The following ZNF90 variants were observed in gnomAD, a reference collection of about 807,000 sequenced individuals.
The protein encoded by ZNF90 is zinc finger protein 90, also known as zinc finger protein HTF9.
ZNF90 carries 11 observed loss-of-function variants against 12.0 expected under a neutral mutation model. That is an observed-to-expected ratio of 0.92 (90% CI 0.58 to 1.52). ZNF90 has a LOEUF of 1.52. Among genes scored for constraint, ZNF90 ranks in the 40% most tolerant of loss-of-function variants. The pLI is 0.00. For missense variants in ZNF90, 765 were observed against 711.5 expected (o/e 1.08, Z -0.86); for synonymous variants, 232 against 240.1 (o/e 0.97, Z 0.31).
In ZNF90 at chr19:20,104,383, A is replaced by C; in HGVS notation, c.130+18A>C. ...CTTCCTTGGTGAGGATAAGTGGAATACATAATTCATAATATACCCTAAAGG... is the reference window on the plus strand; with the variant it reads ...CTTCCTTGGTGAGGATAAGTGGAATCCATAATTCATAATATACCCTAAAGG... On this transcript the variant is annotated intron_variant, in intron 2 of 3. Transcript: ENST00000418063. 2 of 1,605,344 alleles carry C rather than the reference A, an allele frequency of 1.2e-6. No homozygotes were observed. Among genetic ancestry groups the C allele is most frequent in the Non-Finnish European group, 1.7e-6 (2 of 1,176,900 alleles).
chr19:20,085,587 G>A (rs74923243), intron 1 of ZNF90, among the ~76,000 whole-genome samples: 1 of 152,258 alleles, frequency 6.6e-6, no homozygotes, highest in East Asian at 1.9e-4. Flanking sequence ...GCATTAATAA[G>A]TTTCATATAA....
Position 20,119,322 on chromosome 19 carries a change from CAG to C in ZNF90, c.1770_1771del (p.Lys591SerfsTer55). On this transcript the variant is annotated frameshift_variant, in exon 4 of 4. Coordinates refer to ENST00000418063, the MANE Select transcript of ZNF90 (RefSeq NM_007138.2). LOFTEE classifies it high-confidence loss of function. The stretch of plus-strand genomic sequence containing the variant: ...TACACATAAGAGGATTCATATTGGA[CAG>C]AAAGCCTACATAGTGAAGAACATGG... ...LNTHKRIHIG[Q>X]KAYIVKNMAN... 6.2e-7 allele frequency: 1 copy of C among 1,604,530 alleles called. No individual in the cohort carries two copies. The highest frequency in any genetic ancestry group is 1.1e-5 in the South Asian group (1 of 90,006).
At chr19:20,083,354 T>C (rs2088835376) in intron 1 of ZNF90, among the ~76,000 whole-genome samples, 2 of 152,006 alleles carry the variant, frequency 1.3e-5, no homozygotes, top group African/African-American at 4.8e-5. Flanking sequence ...TGAGATGAAG[T>C]TTTGCTCTTG....
chr19:20,104,113 T>TA, intron 1 of ZNF90, 126 bp from the exon 2 acceptor site: 1 of 1,378,574 alleles, frequency 7.3e-7, no homozygotes, highest in Non-Finnish European at 9.8e-7. Flanking sequence ...TTTTATTGGA[T>TA]AATTTAGTGA....
chr19:20,081,732 C>T (rs2122470016), intron 1 of ZNF90, among the ~76,000 whole-genome samples: 2 of 152,222 alleles, frequency 1.3e-5, no homozygotes, highest in East Asian at 3.9e-4. Context: ...CAGTCTTTCC[C>T]ACACAGGGAT....
At chr19:20,114,820 T>A (rs1368669186) in intron 3 of ZNF90, among the ~76,000 whole-genome samples, 1 of 151,146 alleles carries the variant, frequency 6.6e-6, no homozygotes, top group African/African-American at 2.5e-5. Context: ...AGTCCCCTGT[T>A]CCCTTACTAA....
chr19:20,110,972 G>A (rs931581985), intron 3 of ZNF90, among the ~76,000 whole-genome samples: 17 of 152,218 alleles, frequency 1.1e-4, no homozygotes, highest in African/African-American at 2.2e-4. Flanking sequence ...TCTAAAGGAC[G>A]TTGTTACTCT....
chr19:20,090,505 C>T (rs1474524433), intron 1 of ZNF90, among the ~76,000 whole-genome samples: 3 of 152,104 alleles, frequency 2.0e-5, no homozygotes, highest in Non-Finnish European at 4.4e-5. Flanking sequence ...TGGGGAGGAT[C>T]CTGCAGGCGG....
chr19:20,085,613 T>C (rs1018410479), intron 1 of ZNF90, among the ~76,000 whole-genome samples: 2 of 152,212 alleles, frequency 1.3e-5, no homozygotes, highest in Non-Finnish European at 2.9e-5. Flanking sequence ...TTCTCTCTTT[T>C]GGTTTTTCCC....
chr19:20,119,207 G>A lies in ZNF90; in HGVS notation c.1653G>A (p.Gln551=), dbSNP rs2089174558. 7 of 1,611,224 alleles carry A rather than the reference G, an allele frequency of 4.3e-6. No individual in the cohort carries two copies. Among genetic ancestry groups the A allele is most frequent in the Admixed American group, 1.7e-5 (1 of 59,708 alleles). ...ECGKAFKRSS[Q]LTSHKISHTG... ...GCAAAGCCTTTAAGCGCTCCTCACA[G>A]CTTACTAGTCATAAGATAAGTCATA... is the stretch of plus-strand genomic sequence containing the variant. Residue 551 remains glutamine (Q), a synonymous_variant, in exon 4 of 4, where the codon CAG becomes CAA. Transcript: ENST00000418063.
rs1214375391 is a variant in ZNF90, at chr19:20,120,235, T to G, written c.*875T>G. On this transcript the variant is annotated 3_prime_UTR_variant, in exon 4 of 4. Transcript: ENST00000418063. ...GAAAACCCATTAATGCCTACTCACATCTTACCCAACAGAAGGTGGTTCACA... is the reference window on the plus strand; with the variant it reads ...GAAAACCCATTAATGCCTACTCACAGCTTACCCAACAGAAGGTGGTTCACA... Among the ~76,000 whole-genome samples the G allele has an allele frequency of 1.3e-5, 2 of 152,202 alleles. No individual in the cohort carries two copies. Among genetic ancestry groups the G allele is most frequent in the Non-Finnish European group, 2.9e-5 (2 of 68,040 alleles).
In ZNF90 at chr19:20,104,283, GGAGTGGCATTGCCTGGACAC is replaced by G; in HGVS notation, c.49_68del (p.Glu17CysfsTer7). On this transcript the variant is annotated frameshift_variant, in exon 2 of 4. Coordinates refer to ENST00000418063, the MANE Select transcript of ZNF90 (RefSeq NM_007138.2). LOFTEE classifies it high-confidence loss of function. Reference sequence around the variant, plus strand: ...ATGTGGCCATAGAATTCTCTCTGGAGGAGTGGCATTGCCTGGACACTGCACAGCAGAATTTATATAGGGAT... The same window carrying G: ...ATGTGGCCATAGAATTCTCTCTGGAGTGCACAGCAGAATTTATATAGGGAT... The G allele has an allele frequency of 6.2e-7, 1 of 1,614,082 alleles. No individual in the cohort carries two copies. The highest frequency in any genetic ancestry group is 8.5e-7 in the Non-Finnish European group (1 of 1,179,980).
rs1029835945 is a variant in ZNF90 at position 20,118,237 on chromosome 19, G to A, written c.683G>A (p.Arg228Gln). ...SHKRIHTGEK[R>Q]YKCEDCGKEL... ...AAGAGAATTCATACTGGAGAGAAAC[G>A]GTACAAATGTGAAGATTGTGGCAAA... Residue 228 changes from arginine to glutamine, a missense_variant, in exon 4 of 4, where the codon CGG (arginine) becomes CAG (glutamine). Physicochemically the swap from Arg to Gln is conservative, Grantham distance 43 (BLOSUM62 1). Transcript: ENST00000418063. The A allele has an allele frequency of 5.0e-6, 8 of 1,584,878 alleles. No individual in the cohort carries two copies. Among genetic ancestry groups the A allele is most frequent in the East Asian group, 2.3e-5 (1 of 43,318 alleles).
In ZNF90 at chr19:20,085,555, C is replaced by T. The variant is rs529296016; in HGVS notation, c.3+7420C>T. Among the ~76,000 whole-genome samples, 17 of 152,270 alleles carry T rather than the reference C, an allele frequency of 1.1e-4. No homozygotes were observed. The South Asian group carries it at 2.5e-3, about 22-fold the overall frequency. On this transcript the variant is annotated intron_variant, in intron 1 of 3. Coordinates refer to ENST00000418063, the MANE Select transcript of ZNF90 (RefSeq NM_007138.2). ...GATTACAGGCTTGAGCCACCGCGCC[C>T]GGCCAGTTGCATTGGTCTTATGCAT...
chr19:20,119,129 T>G lies in ZNF90; in HGVS notation c.1575T>G (p.Ser525Arg). 3.1e-6 allele frequency: 5 copies of G among 1,612,788 alleles called. No homozygotes were observed. Among genetic ancestry groups the G allele is most frequent in the Non-Finnish European group, 4.2e-6 (5 of 1,179,526 alleles). The change falls in exon 4 of 4, where the codon AGT becomes AGG. Residue 525 changes from serine (S) to arginine (R), a missense_variant. Coordinates refer to ENST00000418063, the MANE Select transcript of ZNF90 (RefSeq NM_007138.2). ...GKAFKRSSVL[S>R]KHKIIHTGAK... Reference sequence around the variant, plus strand: ...CCTTCAAGCGCTCCTCAGTCCTTAGTAAACATAAGATAATTCATACTGGAG... The same window carrying G: ...CCTTCAAGCGCTCCTCAGTCCTTAGGAAACATAAGATAATTCATACTGGAG...
Position 20,112,103 on chromosome 19 carries a change from C to T in ZNF90, c.227-5678C>T, listed in dbSNP as rs936455489. ...CAAGCTTCTGACCTTGTGATTCACC[C>T]GCCTCATCCTCCCAAAGTGCTGGGA... On this transcript the variant is annotated intron_variant, in intron 3 of 3. Transcript: ENST00000418063. Among the ~76,000 whole-genome samples, 11 of 152,046 alleles carry T rather than the reference C, an allele frequency of 7.2e-5. No homozygotes were observed. The East Asian group carries it at 1.7e-3, about 24-fold the overall frequency.
intron 1 of ZNF90, chr19:20,079,825 C>T (rs1285169424): frequency 1.8e-5 from 6 of 330,758 alleles, no homozygotes; most frequent in South Asian, 5.7e-5. Flanking sequence ...CTCATCTGCT[C>T]GGCCACCCTG....
At chr19:20,099,604 C>T (rs570560681) in intron 1 of ZNF90, among the ~76,000 whole-genome samples, 1 of 152,302 alleles carries the variant, frequency 6.6e-6, no homozygotes, top group East Asian at 1.9e-4. Context: ...CCAGATCTGT[C>T]ACTATCTGAG....
intron 3 of ZNF90, among the ~76,000 whole-genome samples, chr19:20,117,048 A>C (rs59637187): frequency 7.4e-6 from 1 of 135,178 alleles, no homozygotes; most frequent in Non-Finnish European, 1.5e-5. Flanking sequence ...TGTGTGTGTG[A>C]GAGAGAGAGA....
Sources: gnomAD v4.1 joint callset for allele counts (sites outside exome capture counted in the v4.1 genomes callset) on GRCh38, gnomAD v4.1.1 for gene constraint, MANE v1.5 for transcripts, NCBI Gene and HGNC (gene_info 2026-07-23, HGNC 2026-07-21) for gene names.